The following BCR variants were observed in gnomAD, a reference collection of about 807,000 sequenced individuals.
The protein encoded by BCR is BCR activator of RhoGEF and GTPase.
BCR carries 58 observed loss-of-function variants against 138.6 expected under a neutral mutation model. The observed-to-expected ratio is 0.42, with a 90% CI of 0.34 to 0.52. BCR has a LOEUF of 0.52. Among genes scored for constraint, BCR ranks in the 20% least tolerant of loss-of-function variants. The probability of loss-of-function intolerance (pLI) is 0.06; values close to 1 mark genes in which losing one functional copy is unlikely to be tolerated. For synonymous variants in BCR, 786 were observed against 730.1 expected (o/e 1.08, Z -1.23); for missense variants, 1,599 against 1,727.2 (o/e 0.93, Z 1.32).
intron 16 of BCR, among the ~76,000 whole-genome samples, chr22:23,308,702 C>T (rs1169985844): frequency 1.3e-5 from 2 of 152,196 alleles, no homozygotes; most frequent in African/African-American, 2.4e-5. Context: ...ACGTGCTCCC[C>T]ATAAAACGGG....
In BCR at chr22:23,292,658, A is replaced by C; in HGVS notation, c.2880+20A>C. The C allele has an allele frequency of 6.3e-7, 1 of 1,591,528 alleles. No homozygotes were observed. On this transcript the variant is annotated intron_variant, in intron 15 of 22. Transcript: ENST00000305877. ...AACGAGGTGAGGAACTGATTCCACA[A>C]GGGCCCAGCCTGCCAGGTGGGGCAC... is the stretch of plus-strand genomic sequence containing the variant.
chr22:23,189,873 A>G (rs1165264418), intron 1 of BCR, among the ~76,000 whole-genome samples: 1 of 152,182 alleles, frequency 6.6e-6, no homozygotes, highest in Non-Finnish European at 1.5e-5. Context: ...TCCGGAAAAC[A>G]CCCGTTAGCA....
intron 2 of BCR, among the ~76,000 whole-genome samples, chr22:23,256,623 C>A (rs1474699544): frequency 1.3e-5 from 2 of 152,156 alleles, no homozygotes; most frequent in South Asian, 4.1e-4. Flanking sequence ...ACACTCCCAG[C>A]CCAGAGCAGC....
chr22:23,268,645 G>A, intron 5 of BCR, 130 bp downstream of exon 5: 2 of 845,002 alleles, frequency 2.4e-6, no homozygotes, highest in Admixed American at 2.2e-5. Context: ...ATTCTGTTGG[G>A]TTCGTTGCGT....
rs766826731 is a variant in BCR, at chr22:23,182,051, G to C, written c.1091G>C (p.Arg364Pro). ...AGCCCCACCACCTACCGCATGTTCC[G>C]GGACAAAAGCCGCTCTCCCTCGCAG... Reference protein sequence around the residue: ...SPSPTTYRMFRDKSRSPSQNS... With the variant: ...SPSPTTYRMFPDKSRSPSQNS... Residue 364 changes from arginine to proline, a missense_variant, in exon 1 of 23, where the codon CGG (arginine) becomes CCG (proline). Transcript: ENST00000305877. The C allele has an allele frequency of 1.9e-6, 3 of 1,613,494 alleles. No homozygotes were observed. The highest frequency in any genetic ancestry group is 2.5e-6 in the Non-Finnish European group (3 of 1,179,976).
rs753212591 is a variant in BCR at position 23,181,376 on chromosome 22, C to T, written c.416C>T (p.Ser139Leu). Residue 139 changes from serine to leucine, a missense_variant, in exon 1 of 23, where the codon TCG (serine) becomes TTG (leucine). This residue lies in a region of BCR where 806 missense variants were observed against 635.0 expected (regional missense o/e 1.27). Coordinates refer to ENST00000305877, the MANE Select transcript of BCR (RefSeq NM_004327.4). ...GCCCGCAGGCCCGGGGCAGCCGCGT[C>T]GGGGGAACGGGACGACCGGGGACCC... ...GTARRPGAAA[S>L]GERDDRGPPA... 4.6e-6 allele frequency: 7 copies of T among 1,532,122 alleles called. No individual in the cohort carries two copies. The highest frequency in any genetic ancestry group is 6.1e-6 in the Non-Finnish European group (7 of 1,144,596). 94.9% of individuals were successfully genotyped at this position (1,532,122 alleles called of 1,614,324 possible).
rs570449012 is a variant in BCR at position 23,261,494 on chromosome 22, A to G, written c.1706A>G (p.Gln569Arg). 7 of 1,613,450 alleles carry G rather than the reference A, an allele frequency of 4.3e-6. No homozygotes were observed. The African/African-American group carries it at 9.3e-5, about 22-fold the overall frequency. Residue 569 changes from glutamine to arginine, a missense_variant, in exon 4 of 23, where the codon CAG (glutamine) becomes CGG (arginine). Gln to Arg is a conservative substitution (Grantham distance 43). Transcript: ENST00000305877. ...TATGATGGGCTCTTCCCCCGCGTGC[A>G]GCAGTGGAGCCACCAGCAGCGGGTG... ...EFYDGLFPRVQQWSHQQRVGD... is the reference protein window; with the variant it reads ...EFYDGLFPRVRQWSHQQRVGD...
rs145749422 is a variant in BCR, at chr22:23,282,416, C to T, written c.2116-1561C>T. On this transcript the variant is annotated intron_variant, in intron 8 of 22. Coordinates refer to ENST00000305877, the MANE Select transcript of BCR (RefSeq NM_004327.4). Reference sequence around the variant, plus strand: ...CACTTATGGGCACCAGCAGCCCCTGCGTAATTCATTGGTTCCCCTTCGCAA... The same window carrying T: ...CACTTATGGGCACCAGCAGCCCCTGTGTAATTCATTGGTTCCCCTTCGCAA... Among the ~76,000 whole-genome samples, 379 of 152,342 alleles carry T rather than the reference C, an allele frequency of 2.5e-3. 7 individuals carry two copies. Among genetic ancestry groups the T allele is most frequent in the Admixed American group, 0.017 (263 of 15,306 alleles).
At chr22:23,290,199 A>G (rs1191983154) in intron 13 of BCR, 140 bp from the exon 14 acceptor site, 11 of 835,000 alleles carry the variant, frequency 1.3e-5, no homozygotes, top group South Asian at 1.0e-4. Context: ...TTTTTGGCCC[A>G]TGACACTGGC....
intron 1 of BCR, among the ~76,000 whole-genome samples, chr22:23,184,543 C>T (rs939302681): frequency 2.6e-5 from 4 of 152,154 alleles, no homozygotes; most frequent in Non-Finnish European, 5.9e-5. Flanking sequence ...CCCACATACT[C>T]CCTACCCCTA....
rs375780906 is a variant in BCR, at chr22:23,309,471, C to T, written c.3060C>T (p.Ile1020=). ...LQDRDWQRTV[I]AMNGIEVKLS... ...ACAGAGACTGGCAGCGCACCGTCAT[C>T]GCCATGAATGGGGTACGTGTCCGTG... Residue 1020 remains isoleucine, a synonymous_variant, in exon 17 of 23, where the codon ATC becomes ATT. Coordinates refer to ENST00000305877, the MANE Select transcript of BCR (RefSeq NM_004327.4). The T allele has an allele frequency of 2.1e-5, 33 of 1,602,182 alleles. No homozygotes were observed. The highest frequency in any genetic ancestry group is 1.5e-4 in the Admixed American group (9 of 58,934).
chr22:23,271,860 A>G (rs1243415832), intron 6 of BCR, among the ~76,000 whole-genome samples: 1 of 146,910 alleles, frequency 6.8e-6, no homozygotes, highest in Non-Finnish European at 1.5e-5. Flanking sequence ...CAGTGGCCTC[A>G]TAAGGAGGAT....
chr22:23,245,550 C>T (rs971360981), intron 1 of BCR, among the ~76,000 whole-genome samples: 5 of 152,016 alleles, frequency 3.3e-5, no homozygotes, highest in Non-Finnish European at 5.9e-5. Flanking sequence ...GGATGGGGCA[C>T]GTCTCATTTA....
At chr22:23,186,350 AG>A (rs2072342362) in intron 1 of BCR, among the ~76,000 whole-genome samples, 1 of 152,234 alleles carries the variant, frequency 6.6e-6, no homozygotes, top group African/African-American at 2.4e-5. Context: ...ACATAACAAA[AG>A]TTACTGTCTT....
chr22:23,291,323 G>T (rs1438774558), intron 14 of BCR, among the ~76,000 whole-genome samples: 1 of 151,966 alleles, frequency 6.6e-6, no homozygotes, highest in Non-Finnish European at 1.5e-5. Context: ...ACCCAAGGGG[G>T]ACTTTTTAGG....
In BCR at chr22:23,314,062, C is replaced by T. The variant is rs544916353; in HGVS notation, c.3552C>T (p.Asp1184=). ...ANLLTFLFLL[D]HLKRVAEKEA... ...TGCTCACCTTCCTTTTCCTTCTGGA[C>T]CACCTGAAAAGGTAGCCCAGCTCTC... Residue 1184 remains aspartate (D), a synonymous_variant, in exon 21 of 23, where the codon GAC becomes GAT. Coordinates refer to ENST00000305877, the MANE Select transcript of BCR (RefSeq NM_004327.4). The T allele has an allele frequency of 7.6e-5, 123 of 1,613,242 alleles. No individual in the cohort carries two copies. In the East Asian group the frequency reaches 2.5e-3, roughly 32 times the overall value.
intron 1 of BCR, among the ~76,000 whole-genome samples, chr22:23,196,518 C>G (rs2072484409): frequency 1.3e-5 from 2 of 152,170 alleles, no homozygotes; most frequent in Admixed American, 6.5e-5. Flanking sequence ...GTATAGTCGT[C>G]TCTCGATATC....
chr22:23,215,497 C>T (rs1461040269), intron 1 of BCR, among the ~76,000 whole-genome samples: 1 of 152,258 alleles, frequency 6.6e-6, no homozygotes, highest in East Asian at 1.9e-4. Flanking sequence ...TTTCTGGCTG[C>T]AAGCCCCATA....
chr22:23,218,830 G>C (rs2146228538), intron 1 of BCR, among the ~76,000 whole-genome samples: 1 of 152,378 alleles, frequency 6.6e-6, no homozygotes, highest in South Asian at 2.1e-4. Flanking sequence ...CCTGGAATGA[G>C]CACATTCTGA....
Sources: gnomAD v4.1 joint callset for allele counts (sites outside exome capture counted in the v4.1 genomes callset) on GRCh38, gnomAD v4.1.1 for gene constraint, gnomAD v4.1.1 regional missense constraint, MANE v1.5 for transcripts, NCBI Gene and HGNC (gene_info 2026-07-23, HGNC 2026-07-21) for gene names.